The following PGAP3 variants were observed in gnomAD, a reference collection of about 807,000 sequenced individuals.
PGAP3 encodes post-GPI attachment to proteins phospholipase 3.
A neutral mutation model predicts 40.3 loss-of-function variants in PGAP3; 31 were observed. That is an observed-to-expected ratio of 0.77 (90% confidence interval 0.58 to 1.04). The LOEUF (loss-of-function observed/expected upper bound fraction) is 1.04, where lower values mean the gene tolerates loss of function less well. Among genes scored for constraint, PGAP3 ranks in the 50% least tolerant of loss-of-function variants. The pLI is 0.00. For missense variants in PGAP3, 413 were observed against 423.0 expected, an observed-to-expected ratio of 0.98 and a Z score of 0.21; for synonymous variants, 191 against 184.5, an observed-to-expected ratio of 1.04 and a Z score of -0.29.
intron 3 of PGAP3, among the ~76,000 whole-genome samples, chr17:39,683,182 A>ATCAG (rs1052556778): frequency 1.3e-5 from 2 of 152,046 alleles, no homozygotes; most frequent in African/African-American, 4.8e-5. Context: ...TCCACCACCC[A>ATCAG]TCAGTCCGCC....
rs766336964 is a variant in PGAP3 at position 39,677,608 on chromosome 17, G to A, written c.433-2929C>T. 8.5e-5 allele frequency among the ~76,000 whole-genome samples: 13 copies of A among 152,324 alleles called. No individual in the cohort carries two copies. The East Asian group carries it at 2.3e-3, about 27-fold the overall frequency. On this transcript the variant is annotated intron_variant, in intron 3 of 7. Coordinates refer to ENST00000300658, the MANE Select transcript of PGAP3 (RefSeq NM_033419.5). Reference sequence around the variant, plus strand: ...ACTCCTTGCCACGCTCAAGTGAAGGGGGGCAGGGAGGGGAACTGGCCAGGA... The same window carrying A: ...ACTCCTTGCCACGCTCAAGTGAAGGAGGGCAGGGAGGGGAACTGGCCAGGA...
intron 3 of PGAP3, among the ~76,000 whole-genome samples, chr17:39,683,597 T>C (rs1488656407): frequency 6.6e-6 from 1 of 152,144 alleles, no homozygotes; most frequent in African/African-American, 2.4e-5. Flanking sequence ...TGAATGGAAA[T>C]TTTTTCCTTA....
chr17:39,674,926 C>T (rs1186923098), intron 3 of PGAP3, among the ~76,000 whole-genome samples: 5 of 152,160 alleles, frequency 3.3e-5, no homozygotes, highest in Non-Finnish European at 5.9e-5. Flanking sequence ...TCCACAGGTT[C>T]CGGCCTGGCC....
chr17:39,674,522 G>A lies in PGAP3; in HGVS notation c.495+95C>T, dbSNP rs552116147. The A allele has an allele frequency of 6.0e-5, 80 of 1,339,346 alleles. No homozygotes were observed. In the East Asian group the frequency reaches 2.0e-3, roughly 33 times the overall value. 83.0% of individuals were successfully genotyped at this position (1,339,346 alleles called of 1,614,324 possible). A position where few individuals can be genotyped will look rare whatever the true frequency, so the allele number is the denominator to read the frequency against. On this transcript the variant is annotated intron_variant, in intron 4 of 7. Coordinates refer to ENST00000300658, the MANE Select transcript of PGAP3 (RefSeq NM_033419.5). ...CCCATACTCCTCCCAGTGCTCCTCA[G>A]AGGGAGTTGGCATGACCCTCTAGAG... is the stretch of plus-strand genomic sequence containing the variant.
chr17:39,683,526 C>T (rs1465618473), intron 3 of PGAP3, among the ~76,000 whole-genome samples: 1 of 152,198 alleles, frequency 6.6e-6, no homozygotes, highest in African/African-American at 2.4e-5. Context: ...AGCAAAGTGC[C>T]TGGCATATAG....
In PGAP3 at chr17:39,673,045, A is replaced by G. The variant is rs755618604; in HGVS notation, c.899+6T>C. The G allele has an allele frequency of 1.9e-6, 3 of 1,600,812 alleles. No individual in the cohort carries two copies. The highest frequency in any genetic ancestry group is 1.7e-6 in the Non-Finnish European group (2 of 1,174,094). ...AGGTGAGCACCAGGCAGGGGGCAGC[A>G]CCCACCTGAAAAAGAGGACGTGGAC... On this transcript the variant is annotated splice_donor_region_variant and intron_variant, in intron 7 of 7. Coordinates refer to ENST00000300658, the MANE Select transcript of PGAP3 (RefSeq NM_033419.5).
At chr17:39,684,124 C>CAAAAAAA (rs58205601) in intron 3 of PGAP3, among the ~76,000 whole-genome samples, 2 of 64,368 alleles carry the variant, frequency 3.1e-5, no homozygotes, top group African/African-American at 8.6e-5. Context: ...GACTCTGTCT[C>CAAAAAAA]AAAAAAAAAA....
At chr17:39,682,713 C>T (rs1020004347) in intron 3 of PGAP3, among the ~76,000 whole-genome samples, 1 of 152,176 alleles carries the variant, frequency 6.6e-6, no homozygotes, top group African/African-American at 2.4e-5. Context: ...GTTCTCTACA[C>T]AGTAGCCAGA....
At chr17:39,677,803 C>T (rs1426562363) in intron 3 of PGAP3, among the ~76,000 whole-genome samples, 3 of 152,314 alleles carry the variant, frequency 2.0e-5, no homozygotes, top group East Asian at 1.9e-4. Flanking sequence ...ATATCACAGC[C>T]GTGAAACTGG....
intron 5 of PGAP3, 43 bp from the exon 6 acceptor site, chr17:39,673,693 C>A (rs1351200341): frequency 6.2e-7 from 1 of 1,607,682 alleles, no homozygotes; most frequent in East Asian, 2.2e-5. Context: ...GGTGGCCCAT[C>A]CCCAGAGCAG....
chr17:39,674,737 C>T, intron 3 of PGAP3, 58 bp from the exon 4 acceptor site: 1 of 1,447,198 alleles, frequency 6.9e-7, no homozygotes, highest in Non-Finnish European at 9.5e-7. Flanking sequence ...AAGGCAGGGA[C>T]CCCCATTTGC....
rs149847487 is a variant in PGAP3, at chr17:39,673,997, C to T, written c.553G>A (p.Val185Ile). The change falls in exon 5 of 8, where the codon GTC becomes ATC. Residue 185 changes from valine to isoleucine, a missense_variant. Physicochemically the swap from Val to Ile is conservative, Grantham distance 29. Transcript: ENST00000300658. ...VILHSIYLCC[V>I]RTVGLQHPAV... is the part of the protein sequence containing the mutation. ...CAGCCACCCAGGCAGGCTCACCTGA[C>T]GCAGCACAGGTAGATTGAGTGTAGG... 359 of 1,613,934 alleles carry T rather than the reference C, an allele frequency of 2.2e-4. No homozygotes were observed. In the African/African-American group the frequency reaches 3.8e-3, roughly 17 times the overall value.
chr17:39,676,671 A>C (rs1294101474), intron 3 of PGAP3: 1 of 152,172 alleles, frequency 6.6e-6, no homozygotes, highest in African/African-American at 2.4e-5. Flanking sequence ...CTACAGCCAG[A>C]CTGCCAGGGT....
chr17:39,673,776 A>G, intron 5 of PGAP3, 126 bp from the exon 6 acceptor site: 1 of 1,364,556 alleles, frequency 7.3e-7, no homozygotes, highest in Non-Finnish European at 1.0e-6. Flanking sequence ...TCCCCACCAA[A>G]CAGGCCACAG....
At chr17:39,675,384 G>A (rs1042692890) in intron 3 of PGAP3, among the ~76,000 whole-genome samples, 3 of 152,206 alleles carry the variant, frequency 2.0e-5, no homozygotes, top group Admixed American at 6.5e-5. Context: ...GTTATCTAGC[G>A]AATGAGCCTA....
Position 39,684,616 on chromosome 17 carries a change from G to C in PGAP3, c.413C>G (p.Thr138Ser). 6.2e-7 allele frequency: 1 copy of C among 1,613,646 alleles called. No homozygotes were observed. The highest frequency in any genetic ancestry group is 8.5e-7 in the Non-Finnish European group (1 of 1,179,786). The change falls in exon 3 of 8, where the codon ACC becomes AGC. Residue 138 changes from threonine to serine, a missense_variant. Coordinates refer to ENST00000300658, the MANE Select transcript of PGAP3 (RefSeq NM_033419.5). ...ACCTACCCAGGCGAAGGCCACACAGGTGTGGTACATGGGGGAGGAGGCTGG... is the reference window on the plus strand; with the variant it reads ...ACCTACCCAGGCGAAGGCCACACAGCTGTGGTACATGGGGGAGGAGGCTGG... The part of the protein sequence containing the change: ...FVPASSPMYH[T>S]CVAFAWVSLN...
intron 2 of PGAP3, chr17:39,684,960 A>T: frequency 1.8e-6 from 1 of 565,628 alleles, no homozygotes; most frequent in Non-Finnish European, 3.1e-6. Flanking sequence ...GCCAGCAGGC[A>T]CAGCACTGTA....
chr17:39,674,122 G>C, intron 4 of PGAP3, 68 bp from the exon 5 acceptor site: 1 of 1,508,490 alleles, frequency 6.6e-7, no homozygotes, highest in Non-Finnish European at 9.2e-7. Flanking sequence ...GGGGATGGGG[G>C]CATGGAGGAG....
rs917261815 is a variant in PGAP3 at position 39,672,056 on chromosome 17, G to A, written c.*747C>T. On this transcript the variant is annotated 3_prime_UTR_variant, in exon 8 of 8. Coordinates refer to ENST00000300658, the MANE Select transcript of PGAP3 (RefSeq NM_033419.5). ...GTCTCCACACTGCGCACCTAGGCCT[G>A]AGCTCACACACACCCAGGCCCATGC... The A allele has an allele frequency of 2.0e-5, 3 of 153,028 alleles. No individual in the cohort carries two copies. The highest frequency in any genetic ancestry group is 7.2e-5 in the African/African-American group (3 of 41,386). The allele number at this position is 153,028 out of a possible 1,614,324, so 9.5% of individuals were successfully genotyped here. A position where few individuals can be genotyped will look rare whatever the true frequency, so the allele number is the denominator to read the frequency against.
Sources: allele counts gnomAD v4.1 joint callset (sites outside exome capture counted in the v4.1 genomes callset), GRCh38; gene constraint gnomAD v4.1.1; transcripts MANE v1.5; gene names NCBI Gene and HGNC (gene_info 2026-07-23, HGNC 2026-07-21).